HSF2BP: variants seen among roughly 807,000 people sequenced by gnomAD.
The protein encoded by HSF2BP is heat shock factor 2-binding protein.
In HSF2BP, 35 loss-of-function variants were observed where a neutral mutation model predicts 35.0. The ratio of observed to expected loss-of-function variants is 1.00; its 90% CI spans 0.76 to 1.32. The LOEUF (loss-of-function observed/expected upper bound fraction) is 1.32, where lower values mean the gene tolerates loss of function less well. Among genes scored for constraint, HSF2BP ranks in the 40% most tolerant of loss-of-function variants. The pLI is 0.00. For missense variants in HSF2BP, 326 were observed against 321.7 expected, an observed-to-expected ratio of 1.01 and a Z score of -0.10; for synonymous variants, 114 against 117.4, an observed-to-expected ratio of 0.97 and a Z score of 0.18.
At position 43,658,295 on chromosome 21, in the gene HSF2BP, C is replaced by T. The variant is rs1249204467; in HGVS notation, c.-199G>A. ...CGAGGTCCCTCTTTGGCTCTTCTGG[C>T]TTAGCCGGGGTTTTAAACTTGTTAT... On this transcript the variant is annotated 5_prime_UTR_variant, in exon 2 of 9. Transcript: ENST00000291560. The T allele has an allele frequency of 5.0e-6, 3 of 599,584 alleles. No homozygotes were observed. The highest frequency in any genetic ancestry group is 8.5e-6 in the Non-Finnish European group (3 of 353,842). The allele number at this position is 599,584 out of a possible 1,614,324, so 37.1% of individuals were successfully genotyped here. A position where few individuals can be genotyped will look rare whatever the true frequency, so the allele number is the denominator to read the frequency against.
chr21:43,621,167 G>A (rs2082327200), intron 6 of HSF2BP, among the ~76,000 whole-genome samples: 1 of 152,132 alleles, frequency 6.6e-6, no homozygotes, highest in Admixed American at 6.5e-5. Flanking sequence ...CTTAAAAACA[G>A]CAAAAGAAAA....
At chr21:43,609,409 C>T (rs1432182210) in intron 7 of HSF2BP, among the ~76,000 whole-genome samples, 4 of 152,124 alleles carry the variant, frequency 2.6e-5, no homozygotes, top group Admixed American at 2.6e-4. Context: ...AACAAACCTG[C>T]ACATGTACCC....
chr21:43,648,262 C>A (rs150283124), intron 3 of HSF2BP, among the ~76,000 whole-genome samples: 27 of 152,284 alleles, frequency 1.8e-4, no homozygotes, highest in Non-Finnish European at 3.2e-4. Context: ...CTATGGCTTC[C>A]TGTTGGATGC....
chr21:43,644,967 G>C (rs1005411070), intron 3 of HSF2BP, among the ~76,000 whole-genome samples: 4 of 152,056 alleles, frequency 2.6e-5, no homozygotes, highest in African/African-American at 9.7e-5. Context: ...TAGTTGATGA[G>C]TCAACAACAG....
At chr21:43,632,084 CCA>C (rs1277528365) in intron 5 of HSF2BP, among the ~76,000 whole-genome samples, 5 of 30,784 alleles carry the variant, frequency 1.6e-4, no homozygotes, top group African/African-American at 2.9e-4. Context: ...ACACACGCTC[CCA>C]CACACACACA....
intron 3 of HSF2BP, among the ~76,000 whole-genome samples, chr21:43,652,900 C>T (rs1278257030): frequency 3.9e-5 from 6 of 151,992 alleles, no homozygotes; most frequent in South Asian, 4.2e-4. Flanking sequence ...TTTGGGAGGC[C>T]GAGGCGGGCA....
intron 7 of HSF2BP, among the ~76,000 whole-genome samples, chr21:43,606,262 T>C (rs1263934718): frequency 6.6e-6 from 1 of 152,160 alleles, no homozygotes; most frequent in Non-Finnish European, 1.5e-5. Context: ...CGAGAGTCCG[T>C]GCACACAAGA....
intron 4 of HSF2BP, among the ~76,000 whole-genome samples, chr21:43,639,517 T>C (rs1191580138): frequency 6.6e-6 from 1 of 152,088 alleles, no homozygotes. Context: ...TAAAAGAGAA[T>C]ACACAGACAG....
chr21:43,587,393 C>T (rs190365958), intron 8 of HSF2BP, among the ~76,000 whole-genome samples: 1 of 151,766 alleles, frequency 6.6e-6, no homozygotes, highest in Non-Finnish European at 1.5e-5. Context: ...TGGCCAGGCA[C>T]GGTAGCTTAC....
chr21:43,647,951 A>C (rs949838458), intron 3 of HSF2BP, among the ~76,000 whole-genome samples: 5 of 151,672 alleles, frequency 3.3e-5, no homozygotes, highest in African/African-American at 4.8e-5. Flanking sequence ...AAAAAAAAAA[A>C]ACTAAAATCA....
chr21:43,467,956 CACTT>C, the HSF2BP span, among the ~76,000 whole-genome samples: 1,581 of 77,520 alleles, frequency 0.02, 34 homozygotes, highest in Middle Eastern at 0.046. Flanking sequence ...ACACACACCA[CACTT>C]ACACCACACA....
intron 3 of HSF2BP, among the ~76,000 whole-genome samples, chr21:43,651,541 A>G (rs1357471740): frequency 1.3e-5 from 2 of 152,138 alleles, no homozygotes; most frequent in Non-Finnish European, 2.9e-5. Flanking sequence ...CATTCTCCTA[A>G]AAAACGTCAT....
chr21:43,658,243 G>A lies in HSF2BP; in HGVS notation c.-147C>T. The A allele has an allele frequency of 7.4e-6, 7 of 940,926 alleles. No individual in the cohort carries two copies. Among genetic ancestry groups the A allele is most frequent in the Middle Eastern group, 2.2e-4 (1 of 4,564 alleles). The allele number at this position is 940,926 out of a possible 1,614,324, so 58.3% of individuals were successfully genotyped here. A position where few individuals can be genotyped will look rare whatever the true frequency, so the allele number is the denominator to read the frequency against. On this transcript the variant is annotated 5_prime_UTR_variant, in exon 2 of 9. Transcript: ENST00000291560. ...CTCCCAGAATTTGCGCAGTATTCTC[G>A]GCCTAGAGAGCGAGGAGTGGCCTTG...
intron 4 of HSF2BP, among the ~76,000 whole-genome samples, chr21:43,634,074 A>G (rs2082520326): frequency 1.3e-5 from 2 of 152,344 alleles, no homozygotes; most frequent in Non-Finnish European, 2.9e-5. Context: ...AGGGGCAAAA[A>G]GAAGTGTGAA....
intron 6 of HSF2BP, among the ~76,000 whole-genome samples, chr21:43,620,691 T>C (rs1053980113): frequency 6.6e-6 from 1 of 151,140 alleles, no homozygotes; most frequent in African/African-American, 2.5e-5. Flanking sequence ...CAAGATCCCA[T>C]CTCTAAAAAA....
chr21:43,629,145 T>A (rs1482202143), intron 6 of HSF2BP, among the ~76,000 whole-genome samples: 1 of 152,236 alleles, frequency 6.6e-6, no homozygotes, highest in Admixed American at 6.5e-5. Flanking sequence ...TTTCAAGTCC[T>A]ATTTTTTTTA....
intron 7 of HSF2BP, among the ~76,000 whole-genome samples, chr21:43,601,715 C>G (rs983242007): frequency 2.0e-5 from 3 of 152,110 alleles, no homozygotes; most frequent in African/African-American, 7.2e-5. Flanking sequence ...CACATTAGTT[C>G]ACAGGCCCCA....
intron 3 of HSF2BP, among the ~76,000 whole-genome samples, chr21:43,654,328 C>T (rs1364460283): frequency 6.6e-6 from 1 of 152,254 alleles, no homozygotes; most frequent in Non-Finnish European, 1.5e-5. Flanking sequence ...TTTCCAGCTA[C>T]TGCAGAGCTT....
intron 6 of HSF2BP, among the ~76,000 whole-genome samples, chr21:43,614,829 T>C (rs568924421): frequency 6.6e-6 from 1 of 152,350 alleles, no homozygotes; most frequent in Non-Finnish European, 1.5e-5. Flanking sequence ...ATAAGGAATA[T>C]TCAATCTATA....
Sources: gnomAD v4.1 joint callset for allele counts (sites outside exome capture counted in the v4.1 genomes callset) on GRCh38, gnomAD v4.1.1 for gene constraint, MANE v1.5 for transcripts, NCBI Gene and HGNC (gene_info 2026-07-23, HGNC 2026-07-21) for gene names.